The following LRRN2 variants were observed in gnomAD, a reference collection of about 807,000 sequenced individuals.
LRRN2 encodes the protein leucine-rich repeat neuronal protein 2.
A neutral mutation model predicts 35.7 loss-of-function variants in LRRN2; 10 were observed. The observed-to-expected ratio is 0.28, with a 90% CI of 0.17 to 0.47. The LOEUF (loss-of-function observed/expected upper bound fraction) is 0.47. Among genes scored for constraint, LRRN2 ranks in the 20% least tolerant of loss-of-function variants. The pLI, the probability that LRRN2 is intolerant of heterozygous loss-of-function variation, is 0.99. For missense variants in LRRN2, 731 were observed against 940.3 expected, an observed-to-expected ratio of 0.78 and a Z score of 2.91; for synonymous variants, 391 against 409.6, an observed-to-expected ratio of 0.95 and a Z score of 0.55.
intron 1 of LRRN2, among the ~76,000 whole-genome samples, chr1:204,683,599 G>GGTGTTTCCCCGGGAGGAGACT (rs1247091450): frequency 1.3e-5 from 2 of 152,138 alleles, no homozygotes; most frequent in African/African-American, 2.4e-5. Flanking sequence ...ACTGCCACTC[G>GGTGTTTCCCCGGGAGGAGACT]GTGTTTCCCC....
chr1:204,651,827 A>G (rs113639282), intron 1 of LRRN2, among the ~76,000 whole-genome samples: 52 of 152,328 alleles, frequency 3.4e-4, no homozygotes, highest in African/African-American at 1.3e-3. Flanking sequence ...AGGATAGGTG[A>G]GAACTCCCAG....
intron 1 of LRRN2, among the ~76,000 whole-genome samples, chr1:204,665,067 CCCAGCA>C (rs1445365959): frequency 2.0e-5 from 3 of 152,178 alleles, no homozygotes; most frequent in Admixed American, 6.5e-5. Flanking sequence ...GTCTATCCTC[CCCAGCA>C]GTCCATTTCA....
At chr1:204,667,655 T>C (rs528113074) in intron 1 of LRRN2, among the ~76,000 whole-genome samples, 67 of 152,240 alleles carry the variant, frequency 4.4e-4, no homozygotes, top group African/African-American at 1.6e-3. Flanking sequence ...GCTCAGTTCA[T>C]GGGAGGAGTT....
chr1:204,675,403 G>A (rs1275446552), intron 1 of LRRN2, among the ~76,000 whole-genome samples: 2 of 152,226 alleles, frequency 1.3e-5, no homozygotes, highest in African/African-American at 4.8e-5. Context: ...CTAGGTGTCG[G>A]TAGGGTTGTG....
intron 1 of LRRN2, among the ~76,000 whole-genome samples, chr1:204,652,422 A>G (rs1194018881): frequency 2.2e-5 from 1 of 45,382 alleles, no homozygotes; most frequent in Non-Finnish European, 5.3e-5. Context: ...AAGGAGGCAG[A>G]AGAGCAAAGA....
At position 204,619,240 on chromosome 1, in the gene LRRN2, C is replaced by T. The variant is rs377246330; in HGVS notation, c.753G>A (p.Arg251=). 14 of 1,614,126 alleles carry T rather than the reference C, an allele frequency of 8.7e-6. No individual in the cohort carries two copies. Among genetic ancestry groups the T allele is most frequent in the South Asian group, 2.2e-5 (2 of 91,084 alleles). The change falls in exon 2 of 2, where the codon CGG becomes CGA. Residue 251 remains arginine, a synonymous_variant. Transcript: ENST00000367177. ...SLSFYDNQLA[R]VPRRALEQVP... ...CCTGTTCCAGTGCCCGCCTGGGCACCCGGGCCAGCTGGTTGTCATAGAAGG... is the reference window on the plus strand; with the variant it reads ...CCTGTTCCAGTGCCCGCCTGGGCACTCGGGCCAGCTGGTTGTCATAGAAGG...
rs1353683438 is a variant in LRRN2, at chr1:204,621,132, C to G, written c.-226-914G>C. 6 of 167,144 alleles carry G rather than the reference C, an allele frequency of 3.6e-5. No homozygotes were observed. In the Admixed American group the frequency reaches 3.9e-4, roughly 11 times the overall value. 10.4% of individuals were successfully genotyped at this position (167,144 alleles called of 1,614,324 possible). On this transcript the variant is annotated intron_variant, in intron 1 of 1. Transcript: ENST00000367177. ...CCACCCTGGAGGCAGGAGTGTTTCT[C>G]CTTTCCCAACAGCCTGGCAGTGTTG...
At chr1:204,650,089 TGGGCCC>T (rs1668190073) in intron 1 of LRRN2, among the ~76,000 whole-genome samples, 3 of 152,210 alleles carry the variant, frequency 2.0e-5, no homozygotes, top group Admixed American at 2.0e-4. Flanking sequence ...AGCCTGGCCC[TGGGCCC>T]TGTGCCAGCC....
intron 1 of LRRN2, among the ~76,000 whole-genome samples, chr1:204,635,220 T>C (rs1397348991): frequency 1.3e-5 from 2 of 152,170 alleles, no homozygotes; most frequent in African/African-American, 2.4e-5. Flanking sequence ...GAACCCTAGT[T>C]TTCTCATCTG....
At chr1:204,642,629 C>T (rs1034787278) in intron 1 of LRRN2, among the ~76,000 whole-genome samples, 6 of 152,334 alleles carry the variant, frequency 3.9e-5, no homozygotes, top group South Asian at 2.1e-4. Context: ...AGAACTGCCC[C>T]GGCCTCTGCA....
intron 1 of LRRN2, among the ~76,000 whole-genome samples, chr1:204,647,368 G>A (rs1193596370): frequency 6.6e-6 from 1 of 152,184 alleles, no homozygotes; most frequent in East Asian, 1.9e-4. Context: ...CAGAGTGACT[G>A]ATGACTTATC....
chr1:204,677,545 G>A lies in LRRN2; in HGVS notation c.-227+7775C>T, dbSNP rs191059230. Among the ~76,000 whole-genome samples the A allele has an allele frequency of 4.4e-4, 67 of 152,292 alleles. No homozygotes were observed. The East Asian group carries it at 0.012, about 28-fold the overall frequency. Reference sequence around the variant, plus strand: ...TGAAACGACCAGGAATGTTATAGGAGTAACCTACCAAACAGGAGCCCACCC... The same window carrying A: ...TGAAACGACCAGGAATGTTATAGGAATAACCTACCAAACAGGAGCCCACCC... On this transcript the variant is annotated intron_variant, in intron 1 of 1. Coordinates refer to ENST00000367177, the MANE Select transcript of LRRN2 (RefSeq NM_201630.2).
chr1:204,659,958 C>T (rs1668436774), intron 1 of LRRN2, among the ~76,000 whole-genome samples: 1 of 152,204 alleles, frequency 6.6e-6, no homozygotes, highest in Non-Finnish European at 1.5e-5. Flanking sequence ...AATAAGCCAT[C>T]ATCCAGATAT....
At chr1:204,629,893 G>C (rs927532576) in intron 1 of LRRN2, among the ~76,000 whole-genome samples, 1 of 152,134 alleles carries the variant, frequency 6.6e-6, no homozygotes, top group African/African-American at 2.4e-5. Context: ...TTATAAGTGG[G>C]AGTTAAGTAT....
chr1:204,652,935 A>G (rs1475221202), intron 1 of LRRN2, among the ~76,000 whole-genome samples: 6 of 152,144 alleles, frequency 3.9e-5, no homozygotes, highest in Non-Finnish European at 7.4e-5. Flanking sequence ...TGCCTATCCC[A>G]CCAACTTGCT....
Position 204,618,999 on chromosome 1 carries a change from G to A in LRRN2, c.994C>T (p.His332Tyr), listed in dbSNP as rs777291049. 3 of 1,612,392 alleles carry A rather than the reference G, an allele frequency of 1.9e-6. No individual in the cohort carries two copies. Among genetic ancestry groups the A allele is most frequent in the Admixed American group, 1.7e-5 (1 of 59,930 alleles). ...RLSFIHPRAF[H>Y]HLPQMETLML... ...AGGGTCTCCATCTGGGGCAGGTGGT[G>A]GAAGGCGCGGGGGTGGATGAAGGAC... Residue 332 changes from histidine to tyrosine, a missense_variant, in exon 2 of 2, where the codon CAC (histidine) becomes TAC (tyrosine). By Grantham distance (83) the His-to-Tyr change is moderately conservative (BLOSUM62 2). Transcript: ENST00000367177.
chr1:204,668,883 G>A (rs181424850), intron 1 of LRRN2, among the ~76,000 whole-genome samples: 6 of 152,328 alleles, frequency 3.9e-5, no homozygotes, highest in Admixed American at 3.9e-4. Context: ...GAGTGCAGTG[G>A]TGCTACCCTA....
At chr1:204,641,544 C>G (rs116661163) in intron 1 of LRRN2, among the ~76,000 whole-genome samples, 2,769 of 152,254 alleles carry the variant, frequency 0.018, 41 homozygotes, top group Non-Finnish European at 0.024. Flanking sequence ...ATGTGTTGGG[C>G]CTTTCACAAA....
At chr1:204,677,438 T>C (rs1013058829) in intron 1 of LRRN2, among the ~76,000 whole-genome samples, 1 of 152,138 alleles carries the variant, frequency 6.6e-6, no homozygotes, top group Admixed American at 6.5e-5. Context: ...ATCCCCAAGA[T>C]CCAGGGAGAG....
Sources: gnomAD v4.1 joint callset for allele counts (sites outside exome capture counted in the v4.1 genomes callset) on GRCh38, gnomAD v4.1.1 for gene constraint, MANE v1.5 for transcripts, NCBI Gene and HGNC (gene_info 2026-07-23, HGNC 2026-07-21) for gene names.